CEP290: variants seen among roughly 807,000 people sequenced by gnomAD.
CEP290 encodes the protein centrosomal protein of 290 kDa.
A neutral mutation model predicts 344.9 loss-of-function variants in CEP290; 317 were observed. The observed-to-expected ratio is 0.92, with a 90% CI of 0.84 to 1.01. The LOEUF (loss-of-function observed/expected upper bound fraction) is 1.01, where lower values mean the gene tolerates loss of function less well. Among genes scored for constraint, CEP290 ranks in the 50% least tolerant of loss-of-function variants. CEP290 has a pLI of 0.00. For synonymous variants in CEP290, 932 were observed against 895.8 expected (o/e 1.04, Z -0.72); for missense variants, 2,754 against 2,761.4 (o/e 1.00, Z 0.06).
intron 24 of CEP290, 30 bp downstream of exon 24, chr12:88,106,966 G>A: frequency 1.3e-6 from 2 of 1,532,154 alleles, no homozygotes; most frequent in South Asian, 2.4e-5. Flanking sequence ...GTACAATATT[G>A]CATACTAATG....
intron 5 of CEP290, among the ~76,000 whole-genome samples, chr12:88,138,311 GC>G (rs2040452876): frequency 6.6e-6 from 1 of 152,254 alleles, no homozygotes; most frequent in Admixed American, 6.5e-5. Flanking sequence ...TTCTACAGCA[GC>G]TACCTAGCTA....
At chr12:88,072,055 AT>A (rs1449635821) in intron 41 of CEP290, 129 bp from the exon 42 acceptor site, 1 of 877,426 alleles carries the variant, frequency 1.1e-6, no homozygotes, top group Admixed American at 3.6e-5. Flanking sequence ...AAATATGTTC[AT>A]TTTGCTATAC....
Position 88,077,753 on chromosome 12 carries a change from C to T in CEP290, c.5530G>A (p.Asp1844Asn). The change falls in exon 40 of 54, where the codon GAT (aspartate) becomes AAT (asparagine). Residue 1844 changes from aspartate to asparagine, a missense_variant. Transcript: ENST00000552810. ...CTTTTCAGTTCATCATTCTCTTGATCAATTTCCTCTTTCTCTCTAAGTATT... is the reference window on the plus strand; with the variant it reads ...CTTTTCAGTTCATCATTCTCTTGATTAATTTCCTCTTTCTCTCTAAGTATT... ...NKILREKEEI[D>N]QENDELKRQI... The T allele has an allele frequency of 6.3e-7, 1 of 1,580,212 alleles. No individual in the cohort carries two copies. The highest frequency in any genetic ancestry group is 8.6e-7 in the Non-Finnish European group (1 of 1,166,016).
At chr12:88,122,844 A>T (rs2039492078) in intron 13 of CEP290, among the ~76,000 whole-genome samples, 1 of 152,148 alleles carries the variant, frequency 6.6e-6, no homozygotes, top group South Asian at 2.1e-4. Flanking sequence ...GTCATACCAC[A>T]TTCTCCACGT....
intron 37 of CEP290, among the ~76,000 whole-genome samples, chr12:88,082,198 G>A (rs536585812): frequency 6.6e-6 from 1 of 152,276 alleles, no homozygotes; most frequent in South Asian, 2.1e-4. Flanking sequence ...CCTATTTTGA[G>A]TTTAAAATCT....
At chr12:88,090,949 A>G (rs532299322) in intron 29 of CEP290, 110 bp from the exon 30 acceptor site, 5 of 598,018 alleles carry the variant, frequency 8.4e-6, no homozygotes, top group African/African-American at 3.8e-5. Context: ...TTCAGCATCT[A>G]TCTCTTCTTT....
At chr12:88,099,604 G>A (rs1592561667) in intron 26 of CEP290, among the ~76,000 whole-genome samples, 1 of 151,992 alleles carries the variant, frequency 6.6e-6, no homozygotes, top group East Asian at 1.9e-4. Flanking sequence ...ACAATGTCAG[G>A]TATTAAGTGT....
intron 13 of CEP290, among the ~76,000 whole-genome samples, chr12:88,122,818 T>C (rs2039490772): frequency 6.6e-6 from 1 of 152,166 alleles, no homozygotes; most frequent in Non-Finnish European, 1.5e-5. Context: ...TCGTGGGCTC[T>C]TGAAGTTACT....
intron 17 of CEP290, 46 bp downstream of exon 17, chr12:88,118,437 C>A (rs1022935947): frequency 4.3e-6 from 6 of 1,403,216 alleles, no homozygotes; most frequent in Middle Eastern, 3.8e-4. Flanking sequence ...CCAGACAACT[C>A]ACTTATCAAT....
chr12:88,084,673 A>G lies in CEP290; in HGVS notation c.4617T>C (p.His1539=). The part of the protein sequence containing the change: ...PKSHHTLKIA[H]QTIANMQARL... ...TTGCTTGCATGTTTGCAATGGTTTG[A>G]TGAGCAATTTTCAATGTGTGGTGAG... Residue 1539 remains histidine, a synonymous_variant, in exon 35 of 54, where the codon CAT becomes CAC. Transcript: ENST00000552810. The G allele has an allele frequency of 6.2e-7, 1 of 1,613,696 alleles. No homozygotes were observed. Among genetic ancestry groups the G allele is most frequent in the Non-Finnish European group, 8.5e-7 (1 of 1,179,702 alleles).
At chr12:88,065,071 CTTAA>C (rs1181610245) in intron 44 of CEP290, among the ~76,000 whole-genome samples, 1 of 151,776 alleles carries the variant, frequency 6.6e-6, no homozygotes, top group African/African-American at 2.4e-5. Flanking sequence ...TTTAACTGTG[CTTAA>C]TTATATTTTT....
In CEP290 at chr12:88,068,517, C is replaced by T; in HGVS notation, c.6135+5G>A. The T allele has an allele frequency of 6.7e-7, 1 of 1,489,900 alleles. No homozygotes were observed. Among genetic ancestry groups the T allele is most frequent in the Admixed American group, 2.5e-5 (1 of 40,228 alleles). 92.3% of individuals were successfully genotyped at this position (1,489,900 alleles called of 1,614,324 possible). A position where few individuals can be genotyped will look rare whatever the true frequency, so the allele number is the denominator to read the frequency against. The stretch of plus-strand genomic sequence containing the variant: ...AGAAAAAAATAATAAAAGATATACA[C>T]TTACTGAAGGCTTAGAATATGTATC... On this transcript the variant is annotated splice_donor_5th_base_variant and intron_variant, in intron 44 of 53. Coordinates refer to ENST00000552810, the MANE Select transcript of CEP290 (RefSeq NM_025114.4).
chr12:88,102,799 T>C lies in CEP290; in HGVS notation c.2991+39A>G, dbSNP rs147626659. ...CAAACACAAAAATATTGAAGAAAAA[T>C]GGCTAATTTCACAAGGTTCAAGAAT... On this transcript the variant is annotated intron_variant, in intron 26 of 53. Transcript: ENST00000552810. 9,076 of 1,555,368 alleles carry C rather than the reference T, an allele frequency of 5.8e-3. 39 individuals carry two copies. The highest frequency in any genetic ancestry group is 7.1e-3 in the Admixed American group (367 of 51,436).
rs1350727797 is a variant in CEP290 at position 88,131,320 on chromosome 12, G to A, written c.442-102C>T. 3.7e-6 allele frequency: 3 copies of A among 801,402 alleles called. No individual in the cohort carries two copies. In the Admixed American group the frequency reaches 1.1e-4, roughly 29 times the overall value. The allele number at this position is 801,402 out of a possible 1,614,324, so 49.6% of individuals were successfully genotyped here. ...TCTTTGTCGCCTAGGCTGGAGTACAGTGGTGCGATCTCGGCTCACTGCAAC... is the reference window on the plus strand; with the variant it reads ...TCTTTGTCGCCTAGGCTGGAGTACAATGGTGCGATCTCGGCTCACTGCAAC... On this transcript the variant is annotated intron_variant, in intron 6 of 53. Coordinates refer to ENST00000552810, the MANE Select transcript of CEP290 (RefSeq NM_025114.4).
chr12:88,106,919 C>T lies in CEP290; in HGVS notation c.2587-14G>A, dbSNP rs1267720776. ...ATTGAGCAAATTCTGCACAAAGACA[C>T]ATCCATATTACTTGTTGAATCTAGC... On this transcript the variant is annotated splice_polypyrimidine_tract_variant and intron_variant, in intron 24 of 53. Coordinates refer to ENST00000552810, the MANE Select transcript of CEP290 (RefSeq NM_025114.4). 2 of 1,586,930 alleles carry T rather than the reference C, an allele frequency of 1.3e-6. No individual in the cohort carries two copies. The highest frequency in any genetic ancestry group is 1.7e-6 in the Non-Finnish European group (2 of 1,162,948).
chr12:88,112,139 C>A (rs1308534495), intron 20 of CEP290, among the ~76,000 whole-genome samples: 1 of 151,962 alleles, frequency 6.6e-6, no homozygotes, highest in Non-Finnish European at 1.5e-5. Flanking sequence ...AATAAGATGA[C>A]CAGGGTTCAA....
In CEP290 at chr12:88,139,247, A is replaced by T. The variant is rs1028307201; in HGVS notation, c.251-56T>A. On this transcript the variant is annotated intron_variant, in intron 4 of 53. Coordinates refer to ENST00000552810, the MANE Select transcript of CEP290 (RefSeq NM_025114.4). ...TAATTGATTAGTTACCACAAAACAA[A>T]CTTTTAAATAAATTTCAATAACAAA... 8 of 721,274 alleles carry T rather than the reference A, an allele frequency of 1.1e-5. No individual in the cohort carries two copies. In the Admixed American group the frequency reaches 2.1e-4, roughly 19 times the overall value. The allele number at this position is 721,274 out of a possible 1,614,324, so 44.7% of individuals were successfully genotyped here.
intron 44 of CEP290, among the ~76,000 whole-genome samples, chr12:88,067,762 TTTA>T (rs2035053167): frequency 6.6e-6 from 1 of 152,216 alleles, no homozygotes; most frequent in Non-Finnish European, 1.5e-5. Context: ...ATTGACTTTA[TTTA>T]TTGTTTGGTC....
At chr12:88,134,180 A>G (rs977060593) in intron 6 of CEP290, among the ~76,000 whole-genome samples, 1 of 152,088 alleles carries the variant, frequency 6.6e-6, no homozygotes, top group Non-Finnish European at 1.5e-5. Flanking sequence ...AAGCTTTCCA[A>G]ATTCCTCTTG....
Sources: gnomAD v4.1 joint callset for allele counts (sites outside exome capture counted in the v4.1 genomes callset) on GRCh38, gnomAD v4.1.1 for gene constraint, MANE v1.5 for transcripts, NCBI Gene and HGNC (gene_info 2026-07-23, HGNC 2026-07-21) for gene names.